DDI2: variants seen among roughly 807,000 people sequenced by gnomAD.
DDI2 encodes DDI proteasomal shuttling factor 2, also known as protein DDI1 homolog 2.
A neutral mutation model predicts 48.1 loss-of-function variants in DDI2; 5 were observed. That is an observed-to-expected ratio of 0.10 (90% CI 0.05 to 0.22). The LOEUF (loss-of-function observed/expected upper bound fraction) is 0.22, where lower values mean the gene tolerates loss of function less well. DDI2 is among the 10% of genes least tolerant of loss of function. DDI2 has a pLI of 1.00. For missense variants in DDI2, 285 were observed against 506.2 expected (o/e 0.56, Z 4.19); for synonymous variants, 205 against 183.6 (o/e 1.12, Z -0.94).
At chr1:15,646,067 G>T (rs1640085657) in intron 6 of DDI2, among the ~76,000 whole-genome samples, 1 of 152,146 alleles carries the variant, frequency 6.6e-6, no homozygotes, top group Non-Finnish European at 1.5e-5. Flanking sequence ...CTCCCTCCAT[G>T]CTCACCTCTG....
chr1:15,644,751 A>G (rs2103473997), intron 6 of DDI2, among the ~76,000 whole-genome samples: 1 of 149,914 alleles, frequency 6.7e-6, no homozygotes, highest in Middle Eastern at 3.5e-3. Context: ...CCGCCACCGC[A>G]CCCGGCTAAT....
rs1162152637 is a variant in DDI2, at chr1:15,644,254, C to CT, written c.889+605dup. On this transcript the variant is annotated intron_variant, in intron 6 of 9. Coordinates refer to ENST00000480945, the MANE Select transcript of DDI2 (RefSeq NM_032341.5). ...GCTGCTGTTTTGGAATTTAACTTGA[C>CT]TGAGTCCTACAGATTCCTTTCTCTT... Among the ~76,000 whole-genome samples the CT allele has an allele frequency of 2.0e-5, 3 of 152,182 alleles. 1 individual carries two copies. Among genetic ancestry groups the CT allele is most frequent in the Non-Finnish European group, 2.9e-5 (2 of 68,032 alleles).
Position 15,651,928 on chromosome 1 carries a change from T to C in DDI2, c.1183+33T>C, listed in dbSNP as rs546274065. 2.4e-5 allele frequency: 38 copies of C among 1,595,540 alleles called. No homozygotes were observed. The African/African-American group carries it at 4.3e-4, about 18-fold the overall frequency. On this transcript the variant is annotated intron_variant, in intron 8 of 9. Transcript: ENST00000480945. ...GGATGGCCAAACTCTTCAATACTTGTTATTGATGGGTAAGCCCGGGAAGTG... is the reference window on the plus strand; with the variant it reads ...GGATGGCCAAACTCTTCAATACTTGCTATTGATGGGTAAGCCCGGGAAGTG...
Position 15,617,629 on chromosome 1 carries a change from CAGGCCGGGCCG to C in DDI2, c.-39_-29del. ...CGCCTCTTCCCCTGCGCCCCGCGCCCAGGCCGGGCCGAGCCGAGCCGAGCCGGGTCGGGCCC... is the reference window on the plus strand; with the variant it reads ...CGCCTCTTCCCCTGCGCCCCGCGCCCAGCCGAGCCGAGCCGGGTCGGGCCC... On this transcript the variant is annotated 5_prime_UTR_variant, in exon 1 of 10. Coordinates refer to ENST00000480945, the MANE Select transcript of DDI2 (RefSeq NM_032341.5). 7.6e-7 allele frequency: 1 copy of C among 1,318,274 alleles called. No homozygotes were observed. Among genetic ancestry groups the C allele is most frequent in the East Asian group, 3.1e-5 (1 of 32,466 alleles). 81.7% of individuals were successfully genotyped at this position (1,318,274 alleles called of 1,614,324 possible).
intron 3 of DDI2, 111 bp downstream of exon 3, chr1:15,630,672 AC>A (rs1487904172): frequency 1.4e-5 from 11 of 775,436 alleles, no homozygotes; most frequent in Admixed American, 4.4e-5. Context: ...TATTGAACAT[AC>A]CAGTTTTTTC....
intron 8 of DDI2, among the ~76,000 whole-genome samples, chr1:15,652,845 T>TA (rs1051574247): frequency 5.4e-5 from 8 of 149,282 alleles, no homozygotes; most frequent in Middle Eastern, 3.4e-3. Context: ...TAATAAAAAT[T>TA]AAAAAAAAAT....
At chr1:15,658,730 G>T (rs1640311569) in intron 9 of DDI2, among the ~76,000 whole-genome samples, 2 of 146,642 alleles carry the variant, frequency 1.4e-5, no homozygotes, top group Admixed American at 1.4e-4. Context: ...CTCCTGTCTG[G>T]GCAACAAGAG....
At chr1:15,621,957 G>C (rs1486092788) in intron 1 of DDI2, among the ~76,000 whole-genome samples, 1 of 152,066 alleles carries the variant, frequency 6.6e-6, no homozygotes, top group Non-Finnish European at 1.5e-5. Flanking sequence ...TATTACATGG[G>C]GTAGTATATG....
At chr1:15,643,081 A>C (rs1259670711) in intron 5 of DDI2, among the ~76,000 whole-genome samples, 2 of 152,168 alleles carry the variant, frequency 1.3e-5, no homozygotes, top group Admixed American at 1.3e-4. Flanking sequence ...AAAAAAAAAA[A>C]CATTAGCTGG....
chr1:15,641,571 T>C (rs1012284487), intron 5 of DDI2, among the ~76,000 whole-genome samples: 12 of 152,144 alleles, frequency 7.9e-5, no homozygotes, highest in Non-Finnish European at 1.5e-5. Flanking sequence ...TGCTTTAAAT[T>C]ACGCATCCAC....
chr1:15,627,098 T>C, intron 2 of DDI2: 1 of 304,692 alleles, frequency 3.3e-6, no homozygotes, highest in Non-Finnish European at 6.1e-6. Context: ...CAGTGATAAT[T>C]ATACAATAAT....
At chr1:15,620,309 C>T (rs1053783088) in intron 1 of DDI2, among the ~76,000 whole-genome samples, 2 of 152,086 alleles carry the variant, frequency 1.3e-5, no homozygotes, top group African/African-American at 2.4e-5. Flanking sequence ...CTTGCTTGCC[C>T]ATCAGGCAGG....
intron 3 of DDI2, among the ~76,000 whole-genome samples, chr1:15,631,205 T>C (rs570431199): frequency 2.0e-3 from 192 of 95,910 alleles, no homozygotes; most frequent in African/African-American, 7.4e-3. Flanking sequence ...AGCCAGCTGA[T>C]GCCAGCTGAT....
chr1:15,619,072 A>G (rs1045805643), intron 1 of DDI2, among the ~76,000 whole-genome samples: 1 of 152,234 alleles, frequency 6.6e-6, no homozygotes, highest in African/African-American at 2.4e-5. Flanking sequence ...GTGGAGAACT[A>G]GGAAAGGACT....
chr1:15,633,370 G>A, intron 3 of DDI2, 69 bp from the exon 4 acceptor site: 1 of 1,554,024 alleles, frequency 6.4e-7, no homozygotes, highest in Non-Finnish European at 8.8e-7. Context: ...AAATTGTTTG[G>A]TGTGGAAAAG....
At chr1:15,629,726 A>ATTTTTTTTTTT (rs113510565) in intron 2 of DDI2, among the ~76,000 whole-genome samples, 2 of 142,422 alleles carry the variant, frequency 1.4e-5, no homozygotes, top group African/African-American at 2.6e-5. Context: ...ACTAGCTTTA[A>ATTTTTTTTTTT]TTTTTTTTTT....
At chr1:15,644,016 T>C (rs1342777633) in intron 6 of DDI2, among the ~76,000 whole-genome samples, 1 of 152,240 alleles carries the variant, frequency 6.6e-6, no homozygotes, top group East Asian at 1.9e-4. Context: ...AGCTATCTAA[T>C]TGAATGTGAT....
intron 7 of DDI2, among the ~76,000 whole-genome samples, chr1:15,650,182 G>T (rs753961227): frequency 2.0e-5 from 3 of 152,214 alleles, no homozygotes; most frequent in Non-Finnish European, 2.9e-5. Context: ...CTCTGATGCT[G>T]ATCAAACAGT....
chr1:15,664,294 G>C lies in DDI2; in HGVS notation c.*4504G>C, dbSNP rs1235137305. ...AAAATACAAAAAATTAGCTGGGCAT[G>C]GTGGCACACGCCTGTAATCCCAGCT... On this transcript the variant is annotated 3_prime_UTR_variant, in exon 10 of 10. Coordinates refer to ENST00000480945, the MANE Select transcript of DDI2 (RefSeq NM_032341.5). 6.6e-6 allele frequency: 1 copy of C among 152,132 alleles called. No individual in the cohort carries two copies. The highest frequency in any genetic ancestry group is 2.4e-5 in the African/African-American group (1 of 41,424). The allele number at this position is 152,132 out of a possible 1,614,324, so 9.4% of individuals were successfully genotyped here.
Sources: allele counts gnomAD v4.1 joint callset (sites outside exome capture counted in the v4.1 genomes callset), GRCh38; gene constraint gnomAD v4.1.1; transcripts MANE v1.5; gene names NCBI Gene and HGNC (gene_info 2026-07-23, HGNC 2026-07-21).